Variants in XIRP2 observed in about 807,000 individuals in gnomAD.
The protein encoded by XIRP2 is xin actin-binding repeat-containing protein 2.
Under a neutral mutation model 277.0 loss-of-function variants are expected in XIRP2, and 236 were observed. That is an observed-to-expected ratio of 0.85 (90% CI 0.77 to 0.95). XIRP2 has a LOEUF of 0.95. Among genes scored for constraint, XIRP2 ranks in the 40% least tolerant of loss-of-function variants. XIRP2 has a pLI of 0.00. For synonymous variants in XIRP2, 1,490 were observed against 1,416.5 expected (o/e 1.05, Z -1.17); for missense variants, 4,640 against 4,157.5 (o/e 1.12, Z -3.19).
At chr2:167,170,052 C>A (rs563121642) in intron 3 of XIRP2, among the ~76,000 whole-genome samples, 4 of 152,100 alleles carry the variant, frequency 2.6e-5, no homozygotes, top group Non-Finnish European at 5.9e-5. Flanking sequence ...TTTGTACCTG[C>A]TCTTTGTTGA....
intron 2 of XIRP2, among the ~76,000 whole-genome samples, chr2:166,980,766 C>T (rs1033666898): frequency 6.6e-6 from 1 of 152,128 alleles, no homozygotes; most frequent in Non-Finnish European, 1.5e-5. Flanking sequence ...ATTGGTATGA[C>T]TGGAATAACA....
chr2:167,224,604 T>C (rs1694538974), intron 5 of XIRP2, among the ~76,000 whole-genome samples: 1 of 152,142 alleles, frequency 6.6e-6, no homozygotes, highest in African/African-American at 2.4e-5. Flanking sequence ...CATAGCACCA[T>C]TTAATTTCTT....
At chr2:166,890,330 C>T (rs9677390) in intron 1 of XIRP2, among the ~76,000 whole-genome samples, 17,351 of 151,956 alleles carry the variant, frequency 0.11, 1,292 homozygotes, top group Admixed American at 0.2. Context: ...TCATAGGCTT[C>T]GGGCATCAGA....
intron 3 of XIRP2, among the ~76,000 whole-genome samples, chr2:167,181,328 CAG>C (rs1325116001): frequency 6.6e-6 from 1 of 152,162 alleles, no homozygotes; most frequent in African/African-American, 2.4e-5. Flanking sequence ...TTCTCTGACT[CAG>C]AGTTTGTCCT....
chr2:167,141,965 C>T (rs548060202), intron 3 of XIRP2, among the ~76,000 whole-genome samples: 25 of 152,266 alleles, frequency 1.6e-4, no homozygotes, highest in Non-Finnish European at 3.2e-4. Context: ...TCCCAGGCCC[C>T]CTAGTTGGAG....
intron 2 of XIRP2, among the ~76,000 whole-genome samples, chr2:167,067,152 C>T (rs377480505): frequency 3.4e-4 from 51 of 152,008 alleles, no homozygotes; most frequent in African/African-American, 1.1e-3. Context: ...ATTCCTTTCC[C>T]GAGACTTCAA....
intron 2 of XIRP2, among the ~76,000 whole-genome samples, chr2:167,066,500 A>G (rs1369009772): frequency 6.6e-6 from 1 of 152,064 alleles, no homozygotes; most frequent in East Asian, 1.9e-4. Flanking sequence ...ATAGAAACTG[A>G]AAGCCCTGTA....
At chr2:167,084,273 G>C (rs180761744) in intron 2 of XIRP2, among the ~76,000 whole-genome samples, 1 of 152,290 alleles carries the variant, frequency 6.6e-6, no homozygotes, top group African/African-American at 2.4e-5. Flanking sequence ...AACCAGCCTT[G>C]CATCCTAGGG....
At chr2:167,089,407 A>G (rs985092320) in intron 2 of XIRP2, among the ~76,000 whole-genome samples, 25 of 152,178 alleles carry the variant, frequency 1.6e-4, no homozygotes, top group Admixed American at 3.9e-4. Flanking sequence ...CACAACTGAT[A>G]CAATCATATA....
At chr2:167,025,902 G>A (rs1042000513) in intron 2 of XIRP2, among the ~76,000 whole-genome samples, 9 of 152,078 alleles carry the variant, frequency 5.9e-5, no homozygotes, top group African/African-American at 1.9e-4. Context: ...GAATAGGTGT[G>A]GTGTGGTGCT....
chr2:167,244,219 G>T lies in XIRP2; in HGVS notation c.2827G>T (p.Gly943Ter), dbSNP rs1298829581. 2 of 1,613,446 alleles carry T rather than the reference G, an allele frequency of 1.2e-6. No individual in the cohort carries two copies. The highest frequency in any genetic ancestry group is 4.5e-5 in the East Asian group (2 of 44,832). The part of the protein sequence containing the change: ...RTVKLEEVDR[G>*]DVKNYTHIFE... The stretch of plus-strand genomic sequence containing the variant: ...AGTGAAACTTGAAGAAGTTGACAGA[G>T]GAGATGTGAAGAATTACACACATAT... The change falls in exon 9 of 11, where the codon GGA (glycine) becomes TGA (stop). Residue 943 changes from glycine (G) to a stop codon, truncating the protein, a stop_gained. Transcript: ENST00000409195. LOFTEE classifies it high-confidence loss of function.
chr2:166,916,221 A>G (rs563252288), intron 2 of XIRP2, among the ~76,000 whole-genome samples: 2 of 152,314 alleles, frequency 1.3e-5, no homozygotes, highest in South Asian at 2.1e-4. Flanking sequence ...GGCTTCCACT[A>G]CATAAAATCA....
intron 2 of XIRP2, among the ~76,000 whole-genome samples, chr2:166,910,659 T>G (rs12612235): frequency 0.3 from 45,814 of 151,984 alleles, 7,465 homozygotes; most frequent in East Asian, 0.55. Context: ...TGCTAGCTTT[T>G]GAATGTGTTT....
intron 2 of XIRP2, among the ~76,000 whole-genome samples, chr2:166,974,863 C>A (rs906423697): frequency 2.6e-5 from 4 of 151,950 alleles, no homozygotes; most frequent in African/African-American, 7.2e-5. Context: ...ATGTAAAAAG[C>A]AAGCCCCAAC....
intron 5 of XIRP2, among the ~76,000 whole-genome samples, chr2:167,229,980 C>T (rs1694706629): frequency 6.6e-6 from 1 of 151,992 alleles, no homozygotes; most frequent in South Asian, 2.1e-4. Flanking sequence ...CTGTTCACCT[C>T]TTCAGGAATG....
At chr2:167,017,679 C>T (rs1300744021) in intron 2 of XIRP2, among the ~76,000 whole-genome samples, 1 of 151,868 alleles carries the variant, frequency 6.6e-6, no homozygotes, top group Non-Finnish European at 1.5e-5. Flanking sequence ...TTCCTCGACT[C>T]ATGTAGAAGT....
At chr2:167,101,109 A>G (rs1296882211) in intron 2 of XIRP2, among the ~76,000 whole-genome samples, 3 of 152,142 alleles carry the variant, frequency 2.0e-5, no homozygotes, top group Non-Finnish European at 4.4e-5. Flanking sequence ...CTGTATTCTA[A>G]TTCTAAAAGT....
At chr2:167,084,125 A>G (rs1689843286) in intron 2 of XIRP2, among the ~76,000 whole-genome samples, 1 of 152,076 alleles carries the variant, frequency 6.6e-6, no homozygotes, top group Non-Finnish European at 1.5e-5. Context: ...ATCAATACCT[A>G]ATTTATTGAG....
intron 2 of XIRP2, among the ~76,000 whole-genome samples, chr2:167,101,718 A>T (rs545874076): frequency 6.6e-6 from 1 of 152,208 alleles, no homozygotes; most frequent in African/African-American, 2.4e-5. Context: ...TGCAAAATAT[A>T]TAAGAGAATA....
Sources: gnomAD v4.1 joint callset for allele counts (sites outside exome capture counted in the v4.1 genomes callset) on GRCh38, gnomAD v4.1.1 for gene constraint, MANE v1.5 for transcripts, NCBI Gene and HGNC (gene_info 2026-07-23, HGNC 2026-07-21) for gene names.